TBC1D4: variants seen among roughly 807,000 people sequenced by gnomAD.
The protein encoded by TBC1D4 is TBC1 domain family member 4.
In TBC1D4, 121 loss-of-function variants were observed where a neutral mutation model predicts 142.5. The ratio of observed to expected loss-of-function variants is 0.85; its 90% confidence interval spans 0.73 to 0.99. TBC1D4 has a LOEUF of 0.99. TBC1D4 is among the 50% of genes least tolerant of loss of function. TBC1D4 has a pLI of 0.00. For synonymous variants in TBC1D4, 630 were observed against 628.2 expected (o/e 1.00, Z -0.04); for missense variants, 1,475 against 1,606.6 (o/e 0.92, Z 1.40).
At position 75,436,991 on chromosome 13, in the gene TBC1D4, C is replaced by T. The variant is rs542832893; in HGVS notation, c.498+44279G>A. On this transcript the variant is annotated intron_variant, in intron 1 of 20. Transcript: ENST00000377636. ...TATCTAACAATAAGAAAACATTAGC[C>T]AAACCCAAACTGAGAAATATCCTAA... 1.6e-4 allele frequency among the ~76,000 whole-genome samples: 24 copies of T among 152,268 alleles called. No individual in the cohort carries two copies. The South Asian group carries it at 5.0e-3, about 32-fold the overall frequency.
intron 1 of TBC1D4, among the ~76,000 whole-genome samples, chr13:75,422,135 A>G (rs1188036901): frequency 3.9e-5 from 6 of 152,210 alleles, no homozygotes; most frequent in Admixed American, 3.9e-4. Context: ...GCTATACACA[A>G]ACCTTATTCC....
At position 75,369,235 on chromosome 13, in the gene TBC1D4, A is replaced by G. The variant is rs1020296994; in HGVS notation, c.499-6628T>C. Among the ~76,000 whole-genome samples the G allele has an allele frequency of 6.6e-5, 10 of 152,144 alleles. No individual in the cohort carries two copies. In the East Asian group the frequency reaches 1.9e-3, roughly 29 times the overall value. The stretch of plus-strand genomic sequence containing the variant: ...AGGTGGGGTGTGTTGGCTCACACCT[A>G]TAATCCCAGTACTTTGTGGAGGCCA... On this transcript the variant is annotated intron_variant, in intron 1 of 20. Coordinates refer to ENST00000377636, the MANE Select transcript of TBC1D4 (RefSeq NM_014832.5).
rs558879678 is a variant in TBC1D4 at position 75,385,502 on chromosome 13, G to A, written c.499-22895C>T. Among the ~76,000 whole-genome samples, 3 of 152,316 alleles carry A rather than the reference G, an allele frequency of 2.0e-5. No homozygotes were observed. The East Asian group carries it at 5.8e-4, about 29-fold the overall frequency. ...TCAAATTAAGAGTGTCACCTGAAAAGCAGGTGCCTGTTCTAAAAAGAGACG... is the reference window on the plus strand; with the variant it reads ...TCAAATTAAGAGTGTCACCTGAAAAACAGGTGCCTGTTCTAAAAAGAGACG... On this transcript the variant is annotated intron_variant, in intron 1 of 20. Transcript: ENST00000377636.
chr13:75,360,831 G>A (rs1024165800), intron 2 of TBC1D4, among the ~76,000 whole-genome samples: 3 of 151,926 alleles, frequency 2.0e-5, no homozygotes, highest in African/African-American at 7.3e-5. Flanking sequence ...CCTGCATTTG[G>A]GATGCTTTTT....
intron 1 of TBC1D4, among the ~76,000 whole-genome samples, chr13:75,447,689 A>G (rs1593895918): frequency 6.6e-6 from 1 of 151,966 alleles, no homozygotes; most frequent in Non-Finnish European, 1.5e-5. Flanking sequence ...GAGGTAGCAA[A>G]CCTTTATCTG....
chr13:75,419,076 A>AACAC (rs138018078), intron 1 of TBC1D4, among the ~76,000 whole-genome samples: 19 of 150,072 alleles, frequency 1.3e-4, no homozygotes, highest in African/African-American at 3.7e-4. Context: ...CACACACACA[A>AACAC]ACACACACAC....
rs1002649730 is a variant in TBC1D4, at chr13:75,285,828, G to T, written c.*964C>A. On this transcript the variant is annotated 3_prime_UTR_variant, in exon 21 of 21. Transcript: ENST00000377636. Reference sequence around the variant, plus strand: ...TTCCTTATACTGAATTTAAGGTAGAGAGACCTAAATTACAAGCACTCACAA... The same window carrying T: ...TTCCTTATACTGAATTTAAGGTAGATAGACCTAAATTACAAGCACTCACAA... The T allele has an allele frequency of 1.3e-5, 2 of 152,586 alleles. No homozygotes were observed. The highest frequency in any genetic ancestry group is 4.8e-5 in the African/African-American group (2 of 41,430). The allele number at this position is 152,586 out of a possible 1,614,324, so 9.5% of individuals were successfully genotyped here.
At position 75,287,032 on chromosome 13, in the gene TBC1D4, G is replaced by T. The variant is rs779340077; in HGVS notation, c.3664-7C>A. The T allele has an allele frequency of 3.1e-6, 5 of 1,599,422 alleles. No homozygotes were observed. The highest frequency in any genetic ancestry group is 4.5e-5 in the East Asian group (2 of 44,858). ...GGATTTTAGTATGAGCTACCTGTTT[G>T]GGGGGGAAAAAATCCTCCAAATCAA... On this transcript the variant is annotated splice_region_variant and splice_polypyrimidine_tract_variant and intron_variant, in intron 20 of 20. Coordinates refer to ENST00000377636, the MANE Select transcript of TBC1D4 (RefSeq NM_014832.5).
At chr13:75,469,299 G>A (rs1888297634) in intron 1 of TBC1D4, among the ~76,000 whole-genome samples, 1 of 152,160 alleles carries the variant, frequency 6.6e-6, no homozygotes, top group Non-Finnish European at 1.5e-5. Context: ...CTGAATGCAA[G>A]GGAAACCTGA....
chr13:75,477,601 ACTC>A (rs1182569910), intron 1 of TBC1D4, among the ~76,000 whole-genome samples: 2 of 151,160 alleles, frequency 1.3e-5, no homozygotes, highest in Non-Finnish European at 3.0e-5. Context: ...TTCAATAACA[ACTC>A]CTGCTTTATT....
chr13:75,437,814 G>C (rs1214211387), intron 1 of TBC1D4, among the ~76,000 whole-genome samples: 1 of 152,134 alleles, frequency 6.6e-6, no homozygotes, highest in African/African-American at 2.4e-5. Context: ...GACCTTCCCA[G>C]TGAGAAGTCA....
chr13:75,286,862 T>C lies in TBC1D4; in HGVS notation c.3827A>G (p.Asn1276Ser), dbSNP rs199954281. ...RKLLPADALV[N>S]CDLLLRDLNC... The stretch of plus-strand genomic sequence containing the variant: ...TAGGTCTCTCAGCAACAGGTCACAA[T>C]TGACTAGAGCATCCGCGGGCAGCAG... The change falls in exon 21 of 21, where the codon AAT becomes AGT. Residue 1276 changes from asparagine (N) to serine (S), a missense_variant. By Grantham distance (46) the Asn-to-Ser change is conservative (BLOSUM62 1). Transcript: ENST00000377636. 140 of 1,613,996 alleles carry C rather than the reference T, an allele frequency of 8.7e-5. No homozygotes were observed. In the African/African-American group the frequency reaches 1.5e-3, roughly 17 times the overall value.
intron 1 of TBC1D4, among the ~76,000 whole-genome samples, chr13:75,372,591 A>G (rs1883277726): frequency 1.3e-5 from 2 of 152,144 alleles, no homozygotes; most frequent in East Asian, 1.9e-4. Flanking sequence ...TTTTTGAAAA[A>G]CATAGTTCAA....
intron 8 of TBC1D4, among the ~76,000 whole-genome samples, chr13:75,334,560 T>C (rs1880038018): frequency 6.6e-6 from 1 of 151,998 alleles, no homozygotes; most frequent in Admixed American, 6.6e-5. Flanking sequence ...TTCCATAGGT[T>C]ATTGGGGAAC....
intron 1 of TBC1D4, among the ~76,000 whole-genome samples, chr13:75,456,325 T>C (rs1887733021): frequency 6.6e-6 from 1 of 152,208 alleles, no homozygotes; most frequent in African/African-American, 2.4e-5. Flanking sequence ...AGAAGACTGA[T>C]AAATTGTATT....
In TBC1D4 at chr13:75,285,016, C is replaced by G. The variant is rs892237229; in HGVS notation, c.*1776G>C. 1 of 152,110 alleles carries G rather than the reference C, an allele frequency of 6.6e-6. No homozygotes were observed. The highest frequency in any genetic ancestry group is 2.4e-5 in the African/African-American group (1 of 41,408). The allele number at this position is 152,110 out of a possible 1,614,324, so 9.4% of individuals were successfully genotyped here. A position where few individuals can be genotyped will look rare whatever the true frequency, so the allele number is the denominator to read the frequency against. ...ATCAACAGACCGTAAAAAGAAAAAA[C>G]CCCTCCTACAAATAGAGAAATTCTC... On this transcript the variant is annotated 3_prime_UTR_variant, in exon 21 of 21. Transcript: ENST00000377636.
chr13:75,374,405 G>A (rs1883386590), intron 1 of TBC1D4, among the ~76,000 whole-genome samples: 1 of 151,968 alleles, frequency 6.6e-6, no homozygotes, highest in South Asian at 2.1e-4. Flanking sequence ...CTCCTTAAAT[G>A]TCAAATTTTA....
chr13:75,284,039 A>G lies in TBC1D4; in HGVS notation c.*2753T>C, dbSNP rs1874481214. The stretch of plus-strand genomic sequence containing the variant: ...TCCAGCCTCCTATAAGTAGCAATAT[A>G]TGCCTCTCCTACTCTCCTGAGTAGC... On this transcript the variant is annotated 3_prime_UTR_variant, in exon 21 of 21. Transcript: ENST00000377636. 6.6e-6 allele frequency among the ~76,000 whole-genome samples: 1 copy of G among 151,982 alleles called. No individual in the cohort carries two copies. Among genetic ancestry groups the G allele is most frequent in the Non-Finnish European group, 1.5e-5 (1 of 68,000 alleles).
At chr13:75,326,832 G>A (rs963874072) in intron 9 of TBC1D4, among the ~76,000 whole-genome samples, 5 of 152,190 alleles carry the variant, frequency 3.3e-5, no homozygotes, top group Admixed American at 2.6e-4. Context: ...GGTGGAGTCT[G>A]TGTTTCCGTA....
Sources: allele counts gnomAD v4.1 joint callset (sites outside exome capture counted in the v4.1 genomes callset), GRCh38; gene constraint gnomAD v4.1.1; transcripts MANE v1.5; gene names NCBI Gene and HGNC (gene_info 2026-07-23, HGNC 2026-07-21).